Variants in DOCK9 observed in about 807,000 individuals in gnomAD.
DOCK9 encodes the protein dedicator of cytokinesis protein 9.
Under a neutral mutation model 263.3 loss-of-function variants are expected in DOCK9, and 89 were observed. The ratio of observed to expected loss-of-function variants is 0.34; its 90% confidence interval spans 0.28 to 0.40. The LOEUF (loss-of-function observed/expected upper bound fraction) is 0.40. Ranked by LOEUF, DOCK9 falls within the 10% of genes least tolerant of loss-of-function variation. DOCK9 has a pLI of 1.00. For synonymous variants in DOCK9, 976 were observed against 973.1 expected, an observed-to-expected ratio of 1.00 and a Z score of -0.06; for missense variants, 2,140 against 2,603.4, an observed-to-expected ratio of 0.82 and a Z score of 3.87.
chr13:98,896,042 T>C (rs1209269775), intron 15 of DOCK9, among the ~76,000 whole-genome samples: 2 of 152,210 alleles, frequency 1.3e-5, no homozygotes, highest in Non-Finnish European at 2.9e-5. Flanking sequence ...ATTCCCTACG[T>C]GAGCTGTGAA....
intron 1 of DOCK9, among the ~76,000 whole-genome samples, chr13:98,985,157 A>G (rs1878160371): frequency 6.6e-6 from 1 of 152,132 alleles, no homozygotes; most frequent in Admixed American, 6.5e-5. Flanking sequence ...GGCAGTCCCT[A>G]AAGAAACCTC....
intron 44 of DOCK9, chr13:98,826,013 A>G (rs1487299630): frequency 2.3e-6 from 3 of 1,287,546 alleles, no homozygotes; most frequent in Non-Finnish European, 3.0e-6. Flanking sequence ...ATGAACATGG[A>G]GCCCTTTCAA....
intron 4 of DOCK9, among the ~76,000 whole-genome samples, chr13:98,924,976 C>G (rs1374669189): frequency 6.6e-6 from 1 of 151,826 alleles, no homozygotes; most frequent in African/African-American, 2.4e-5. Context: ...ACCAGCCTGG[C>G]CAACACGGTG....
At chr13:99,010,727 A>G (rs1392046503) in intron 1 of DOCK9, among the ~76,000 whole-genome samples, 1 of 152,210 alleles carries the variant, frequency 6.6e-6, no homozygotes, top group Non-Finnish European at 1.5e-5. Context: ...ACATCTCCTA[A>G]TGTAGCGCCC....
chr13:98,968,208 C>T (rs1448115763), intron 1 of DOCK9, among the ~76,000 whole-genome samples: 1 of 152,050 alleles, frequency 6.6e-6, no homozygotes, highest in Non-Finnish European at 1.5e-5. Context: ...ATATAAAATA[C>T]CTTTTTTTTA....
intron 38 of DOCK9, among the ~76,000 whole-genome samples, chr13:98,839,270 C>G (rs537963030): frequency 6.6e-6 from 1 of 152,056 alleles, no homozygotes; most frequent in Non-Finnish European, 1.5e-5. Context: ...TTTTGGGGTA[C>G]GAAATCTCCC....
At chr13:99,029,301 A>G (rs944524710) in intron 1 of DOCK9, among the ~76,000 whole-genome samples, 3 of 152,080 alleles carry the variant, frequency 2.0e-5, no homozygotes, top group Non-Finnish European at 4.4e-5. Context: ...TAAAGATTTC[A>G]CCCTATTTGC....
chr13:99,013,564 C>T lies in DOCK9; in HGVS notation c.130-58013G>A, dbSNP rs373453013. ...GGATCTGGGGAAAGGTGTGCCGGGG[C>T]ATTTTAGGGTTAAGCAGGGGGTCAC... On this transcript the variant is annotated intron_variant, in intron 1 of 32. Coordinates refer to the DOCK9 transcript ENST00000427887. 9.7e-4 allele frequency among the ~76,000 whole-genome samples: 147 copies of T among 152,194 alleles called. 1 individual carries two copies. Among genetic ancestry groups the T allele is most frequent in the Non-Finnish European group, 1.9e-3 (128 of 67,998 alleles).
intron 45 of DOCK9, among the ~76,000 whole-genome samples, chr13:98,814,408 T>C (rs953570674): frequency 6.8e-6 from 1 of 148,118 alleles, no homozygotes; most frequent in Non-Finnish European, 1.5e-5. Flanking sequence ...AAGTACGTCT[T>C]TTTTTTTTTT....
At chr13:98,961,574 G>A (rs1287229049) in intron 1 of DOCK9, among the ~76,000 whole-genome samples, 2 of 152,296 alleles carry the variant, frequency 1.3e-5, no homozygotes, top group East Asian at 3.9e-4. Flanking sequence ...GGCCTTTGGC[G>A]CCTTGCTGCC....
chr13:98,806,873 C>T (rs1159543256), intron 48 of DOCK9, among the ~76,000 whole-genome samples: 1 of 149,086 alleles, frequency 6.7e-6, no homozygotes, highest in Non-Finnish European at 1.5e-5. Flanking sequence ...AGCGCCACTG[C>T]ACTCCAGCCC....
chr13:98,922,004 C>A (rs373814732), intron 6 of DOCK9, 47 bp downstream of exon 6: 388 of 1,444,912 alleles, frequency 2.7e-4, no homozygotes, highest in Middle Eastern at 7.0e-4. Context: ...AGCTCTATGG[C>A]AGAAAGGGCT....
At chr13:98,880,178 G>A (rs772279480) in intron 26 of DOCK9, among the ~76,000 whole-genome samples, 65 of 152,138 alleles carry the variant, frequency 4.3e-4, no homozygotes, top group Admixed American at 8.5e-4. Flanking sequence ...GCATCCTGCC[G>A]GGAAACTGGA....
At chr13:98,950,192 AG>A in intron 2 of DOCK9, 1 of 986,750 alleles carries the variant, frequency 1.0e-6, no homozygotes, top group Non-Finnish European at 1.5e-6. Context: ...ACAAAGGCCA[AG>A]GAATGTTTAT....
intron 1 of DOCK9, among the ~76,000 whole-genome samples, chr13:99,058,558 C>G (rs905274202): frequency 4.6e-5 from 7 of 152,118 alleles, no homozygotes; most frequent in African/African-American, 1.7e-4. Context: ...GGTCCCAGGA[C>G]CCCCTGCCCT....
chr13:98,919,484 T>G (rs138619228), intron 7 of DOCK9, among the ~76,000 whole-genome samples: 1 of 152,358 alleles, frequency 6.6e-6, no homozygotes, highest in Non-Finnish European at 1.5e-5. Flanking sequence ...AAGTATACCT[T>G]TAGTCAAACC....
At chr13:98,903,953 G>C (rs922580383) in intron 10 of DOCK9, among the ~76,000 whole-genome samples, 8 of 152,122 alleles carry the variant, frequency 5.3e-5, no homozygotes, top group Non-Finnish European at 7.3e-5. Flanking sequence ...TAGAACAGAG[G>C]TTACTAGGGG....
intron 13 of DOCK9, among the ~76,000 whole-genome samples, chr13:98,899,918 T>C (rs932192334): frequency 4.6e-5 from 7 of 152,216 alleles, no homozygotes; most frequent in African/African-American, 1.4e-4. Flanking sequence ...AGGAGATACC[T>C]ACAGAGACTT....
intron 34 of DOCK9, 52 bp downstream of exon 34, chr13:98,855,846 G>T: frequency 6.2e-7 from 1 of 1,605,294 alleles, no homozygotes; most frequent in South Asian, 1.1e-5. Context: ...GTTTACTTTG[G>T]GCTAAATCCA....
Sources: allele counts gnomAD v4.1 joint callset (sites outside exome capture counted in the v4.1 genomes callset), GRCh38; gene constraint gnomAD v4.1.1; transcripts MANE v1.5; gene names NCBI Gene and HGNC (gene_info 2026-07-23, HGNC 2026-07-21).